Variants in PARD3 observed in about 807,000 individuals in gnomAD.
PARD3 encodes the protein par-3 family cell polarity regulator.
A neutral mutation model predicts 155.4 loss-of-function variants in PARD3; 75 were observed. The ratio of observed to expected loss-of-function variants is 0.48; its 90% CI spans 0.40 to 0.58. The LOEUF (loss-of-function observed/expected upper bound fraction) is 0.58, where lower values mean the gene tolerates loss of function less well. PARD3 is among the 20% of genes least tolerant of loss of function. The pLI is 0.00. For synonymous variants in PARD3, 576 were observed against 610.5 expected (o/e 0.94, Z 0.83); for missense variants, 1,642 against 1,721.7 (o/e 0.95, Z 0.82).
rs528722335 is a variant in PARD3, at chr10:34,657,011, T to A, written c.222+39307A>T. 4.4e-4 allele frequency among the ~76,000 whole-genome samples: 67 copies of A among 152,332 alleles called. 1 individual carries two copies. The highest frequency in any genetic ancestry group is 2.1e-3 in the South Asian group (10 of 4,824). ...AGAGACAAGCTGTCACATTTTCTAC[T>A]TTTTACTCTGTGTAGAATTACGATC... On this transcript the variant is annotated intron_variant, in intron 2 of 24. Transcript: ENST00000374788.
At position 34,636,415 on chromosome 10, in the gene PARD3, G is replaced by A. The variant is rs558806355; in HGVS notation, c.222+59903C>T. On this transcript the variant is annotated intron_variant, in intron 2 of 24. Coordinates refer to ENST00000374788, the MANE Select transcript of PARD3 (RefSeq NM_001184785.2). Reference sequence around the variant, plus strand: ...CTTCTGAGGCCAGACACTCTCTGGCGTTAATTCACTGGGTGCCCCCTGTCC... The same window carrying A: ...CTTCTGAGGCCAGACACTCTCTGGCATTAATTCACTGGGTGCCCCCTGTCC... Among the ~76,000 whole-genome samples, 63 of 152,294 alleles carry A rather than the reference G, an allele frequency of 4.1e-4. 1 individual carries two copies. The highest frequency in any genetic ancestry group is 2.3e-3 in the Admixed American group (35 of 15,290).
At chr10:34,409,581 A>G (rs1487039769) in intron 5 of PARD3, among the ~76,000 whole-genome samples, 1 of 152,178 alleles carries the variant, frequency 6.6e-6, no homozygotes, top group Non-Finnish European at 1.5e-5. Flanking sequence ...TCAAGCAGAT[A>G]CCACCATGCC....
At chr10:34,555,153 G>A (rs1157356574) in intron 2 of PARD3, among the ~76,000 whole-genome samples, 1 of 152,198 alleles carries the variant, frequency 6.6e-6, no homozygotes, top group African/African-American at 2.4e-5. Context: ...TTCATCAACT[G>A]TAACAAATGT....
chr10:34,721,703 A>T (rs1210006525), intron 1 of PARD3, among the ~76,000 whole-genome samples: 1 of 152,246 alleles, frequency 6.6e-6, no homozygotes, highest in East Asian at 1.9e-4. Context: ...ACCAATTATG[A>T]TAAAAATAAA....
At chr10:34,280,596 C>G (rs1010305842) in intron 21 of PARD3, among the ~76,000 whole-genome samples, 1 of 152,146 alleles carries the variant, frequency 6.6e-6, no homozygotes, top group African/African-American at 2.4e-5. Flanking sequence ...AAAGTAGAGA[C>G]AGGTTACAAC....
intron 14 of PARD3, among the ~76,000 whole-genome samples, chr10:34,349,232 T>A (rs1837744600): frequency 6.6e-6 from 1 of 152,170 alleles, no homozygotes; most frequent in Non-Finnish European, 1.5e-5. Flanking sequence ...GAAGCTATCA[T>A]CTGTTTAATA....
chr10:34,372,990 AT>A (rs201746891), intron 11 of PARD3, among the ~76,000 whole-genome samples: 9 of 151,642 alleles, frequency 5.9e-5, no homozygotes, highest in Admixed American at 1.3e-4. Context: ...AATAAACATG[AT>A]TTTTTTTTCC....
At chr10:34,337,593 G>A (rs1836329469) in intron 16 of PARD3, among the ~76,000 whole-genome samples, 167 bp from the exon 17 acceptor site, 1 of 151,442 alleles carries the variant, frequency 6.6e-6, no homozygotes, top group Non-Finnish European at 1.5e-5. Context: ...AACTGTGGCT[G>A]TATAGAAAGT....
chr10:34,372,101 G>A (rs1249563123), intron 12 of PARD3, among the ~76,000 whole-genome samples: 1 of 151,868 alleles, frequency 6.6e-6, no homozygotes, highest in African/African-American at 2.4e-5. Flanking sequence ...TTTTTTTACT[G>A]TATTCTCTTA....
At chr10:34,448,076 G>A (rs994858563) in intron 5 of PARD3, among the ~76,000 whole-genome samples, 7 of 152,004 alleles carry the variant, frequency 4.6e-5, no homozygotes, top group Admixed American at 1.3e-4. Context: ...CCAAGATATG[G>A]AAACAACCTA....
At chr10:34,648,804 T>C (rs1388492039) in intron 2 of PARD3, among the ~76,000 whole-genome samples, 1 of 152,150 alleles carries the variant, frequency 6.6e-6, no homozygotes, top group African/African-American at 2.4e-5. Flanking sequence ...TCCTTGTATG[T>C]GACATTTTTA....
intron 22 of PARD3, among the ~76,000 whole-genome samples, chr10:34,145,222 T>TG (rs1491495958): frequency 5.0e-5 from 2 of 40,192 alleles, no homozygotes; most frequent in South Asian, 1.3e-3. Flanking sequence ...TATATATATA[T>TG]TTTTTTTTTT....
intron 2 of PARD3, among the ~76,000 whole-genome samples, chr10:34,570,337 T>C (rs1257454328): frequency 6.6e-6 from 1 of 152,228 alleles, no homozygotes; most frequent in Admixed American, 6.5e-5. Flanking sequence ...TTGAGAATTC[T>C]AATAGTTAAT....
In PARD3 at chr10:34,130,437, C is replaced by T. The variant is rs551427911; in HGVS notation, c.3540+1026G>A. 1.1e-4 allele frequency among the ~76,000 whole-genome samples: 16 copies of T among 152,268 alleles called. No homozygotes were observed. In the South Asian group the frequency reaches 1.9e-3, roughly 18 times the overall value. On this transcript the variant is annotated intron_variant, in intron 23 of 24. Transcript: ENST00000374788. ...CTATTCCCAGTCTTCTAAGCATTGC[C>T]GGTTAGGTCAAATTACCATGCTGCC...
At chr10:34,669,879 T>C (rs188613613) in intron 2 of PARD3, among the ~76,000 whole-genome samples, 32 of 152,306 alleles carry the variant, frequency 2.1e-4, no homozygotes, top group African/African-American at 7.5e-4. Context: ...TTCAATCCTA[T>C]GATAAAAGTA....
intron 2 of PARD3, among the ~76,000 whole-genome samples, chr10:34,608,682 C>A (rs548118909): frequency 1.3e-5 from 2 of 151,762 alleles, no homozygotes; most frequent in Admixed American, 1.3e-4. Flanking sequence ...TTACAGGTGC[C>A]TGCCACCACG....
chr10:34,635,286 G>A (rs765594648), intron 2 of PARD3, among the ~76,000 whole-genome samples: 1 of 152,202 alleles, frequency 6.6e-6, no homozygotes, highest in African/African-American at 2.4e-5. Flanking sequence ...TTCAAATAGG[G>A]GTAGCCAGAA....
chr10:34,471,580 AG>A (rs2078345315), intron 3 of PARD3, among the ~76,000 whole-genome samples: 1 of 152,238 alleles, frequency 6.6e-6, no homozygotes, highest in Non-Finnish European at 1.5e-5. Context: ...GTTGAGACAG[AG>A]TCTGGCTCTG....
In PARD3 at chr10:34,515,453, G is replaced by C. The variant is rs2133606364; in HGVS notation, c.403+1526C>G. Among the ~76,000 whole-genome samples the C allele has an allele frequency of 2.0e-5, 3 of 152,322 alleles. No individual in the cohort carries two copies. The South Asian group carries it at 6.2e-4, about 32-fold the overall frequency. ...TTGTATCTGAGTCCGATCTTGTCTGGATGATAGAAAGCAATTGTAGGAAGT... is the reference window on the plus strand; with the variant it reads ...TTGTATCTGAGTCCGATCTTGTCTGCATGATAGAAAGCAATTGTAGGAAGT... On this transcript the variant is annotated intron_variant, in intron 3 of 24. Coordinates refer to ENST00000374788, the MANE Select transcript of PARD3 (RefSeq NM_001184785.2).
Sources: gnomAD v4.1 joint callset for allele counts (sites outside exome capture counted in the v4.1 genomes callset) on GRCh38, gnomAD v4.1.1 for gene constraint, MANE v1.5 for transcripts, NCBI Gene and HGNC (gene_info 2026-07-23, HGNC 2026-07-21) for gene names.